The following CCT3 variants were observed in gnomAD, a reference collection of about 807,000 sequenced individuals.
CCT3 encodes chaperonin containing TCP1 subunit 3.
Under a neutral mutation model 65.3 loss-of-function variants are expected in CCT3, and 10 were observed. That is an observed-to-expected ratio of 0.15 (90% confidence interval 0.09 to 0.26). The LOEUF (loss-of-function observed/expected upper bound fraction) is 0.26. Ranked by LOEUF, CCT3 falls within the 10% of genes least tolerant of loss-of-function variation. The pLI is 1.00. For synonymous variants in CCT3, 225 were observed against 242.3 expected (o/e 0.93, Z 0.66); for missense variants, 626 against 708.7 (o/e 0.88, Z 1.33).
intron 11 of CCT3, 106 bp from the exon 12 acceptor site, chr1:156,311,301 G>A (rs1216895273): frequency 2.6e-6 from 3 of 1,140,728 alleles, no homozygotes; most frequent in South Asian, 3.0e-5. Flanking sequence ...CACCAAGGAG[G>A]GCAACTAGAA....
At chr1:156,328,654 GGCA>G (rs1664967308) in intron 5 of CCT3, among the ~76,000 whole-genome samples, 1 of 151,852 alleles carries the variant, frequency 6.6e-6, no homozygotes, top group African/African-American at 2.4e-5. Flanking sequence ...GATGCTTGAA[GGCA>G]GCATGCTCGT....
intron 9 of CCT3, 83 bp from the exon 10 acceptor site, chr1:156,317,330 G>C: frequency 1.9e-6 from 3 of 1,585,774 alleles, no homozygotes; most frequent in Non-Finnish European, 2.6e-6. Flanking sequence ...ACACTATTAC[G>C]CCCCTGCCAA....
intron 5 of CCT3, among the ~76,000 whole-genome samples, chr1:156,328,762 T>C (rs560892511): frequency 6.6e-6 from 1 of 152,226 alleles, no homozygotes; most frequent in South Asian, 2.1e-4. Context: ...CAGAGACCTT[T>C]GTTCATTTGT....
intron 6 of CCT3, 71 bp from the exon 7 acceptor site, chr1:156,321,096 C>A (rs941938221): frequency 3.3e-6 from 4 of 1,211,548 alleles, no homozygotes; most frequent in African/African-American, 1.5e-5. Flanking sequence ...CTTATCTATA[C>A]CTCAGTGACT....
chr1:156,333,676 A>T, intron 4 of CCT3, 33 bp from the exon 5 acceptor site: 2 of 1,523,908 alleles, frequency 1.3e-6, no homozygotes, highest in East Asian at 4.5e-5. Flanking sequence ...AATTCACACT[A>T]TTCAAAGACC....
intron 7 of CCT3, 150 bp from the exon 8 acceptor site, chr1:156,319,167 C>T: frequency 1.6e-6 from 1 of 616,020 alleles, no homozygotes; most frequent in Non-Finnish European, 2.6e-6. Context: ...GGCTGGAGTG[C>T]AGTGGTGCAA....
chr1:156,320,706 C>T, intron 7 of CCT3, 133 bp downstream of exon 7: 1 of 691,744 alleles, frequency 1.4e-6, no homozygotes, highest in South Asian at 1.9e-5. Flanking sequence ...ATACTCCAGC[C>T]TAGGCAACAA....
At chr1:156,334,682 G>A (rs759146618) in intron 4 of CCT3, 31 bp downstream of exon 4, 2 of 1,605,196 alleles carry the variant, frequency 1.2e-6, no homozygotes, top group African/African-American at 1.3e-5. Context: ...CTGTCAGAAA[G>A]CAAAAAAACA....
intron 5 of CCT3, among the ~76,000 whole-genome samples, chr1:156,328,555 A>AC: frequency 6.6e-6 from 1 of 151,714 alleles, no homozygotes; most frequent in Admixed American, 6.6e-5. Context: ...CTGTGACCTT[A>AC]CCCCCAACCC....
rs745978534 is a variant in CCT3 at position 156,325,083 on chromosome 1, T to G, written c.311A>C (p.Glu104Ala). ...GAAGTGCTCAGCTACAGACAGCATT[T>G]CCCCTGCTGAAAAAGATACAAGCAC... is the stretch of plus-strand genomic sequence containing the variant. ...GTTSVIILAG[E>A]MLSVAEHFLE... is the part of the protein sequence containing the mutation. Residue 104 changes from glutamate to alanine, a missense_variant, in exon 6 of 14, where the codon GAA becomes GCA. Physicochemically the swap from Glu to Ala is moderately radical, Grantham distance 107. Coordinates refer to ENST00000295688, the MANE Select transcript of CCT3 (RefSeq NM_005998.5). The G allele has an allele frequency of 6.2e-7, 1 of 1,608,800 alleles. No homozygotes were observed. The highest frequency in any genetic ancestry group is 8.5e-7 in the Non-Finnish European group (1 of 1,176,886).
chr1:156,312,671 AC>A (rs1258692270), intron 10 of CCT3, among the ~76,000 whole-genome samples: 2 of 151,982 alleles, frequency 1.3e-5, no homozygotes, highest in East Asian at 3.9e-4. Context: ...AAAAACAAAC[AC>A]AAAAACCCCA....
At chr1:156,329,602 G>A (rs1357173666) in intron 5 of CCT3, among the ~76,000 whole-genome samples, 2 of 150,356 alleles carry the variant, frequency 1.3e-5, no homozygotes, top group African/African-American at 4.9e-5. Flanking sequence ...ACCGCGCCCA[G>A]CCCATATCCC....
At chr1:156,337,123 G>C in intron 1 of CCT3, 7 of 1,283,684 alleles carry the variant, frequency 5.5e-6, no homozygotes, top group Non-Finnish European at 7.1e-6. Flanking sequence ...AAAAATAAGG[G>C]ACCGGGCGCG....
At chr1:156,334,998 G>A (rs1335523516) in intron 2 of CCT3, 80 bp from the exon 3 acceptor site, 1 of 1,132,678 alleles carries the variant, frequency 8.8e-7, no homozygotes, top group Non-Finnish European at 1.3e-6. Flanking sequence ...GGGAAAAGGG[G>A]CATGAACAAC....
intron 5 of CCT3, among the ~76,000 whole-genome samples, chr1:156,331,057 TC>T (rs1192512484): frequency 6.6e-6 from 1 of 151,028 alleles, no homozygotes. Context: ...TATGGTGAAA[TC>T]CCGTCACTAT....
chr1:156,330,125 T>A (rs12048077), intron 5 of CCT3, among the ~76,000 whole-genome samples: 36,624 of 152,132 alleles, frequency 0.24, 4,922 homozygotes, highest in Non-Finnish European at 0.29. Context: ...TATCTCTAGA[T>A]GATTCAACTG....
intron 6 of CCT3, among the ~76,000 whole-genome samples, chr1:156,321,275 T>C (rs1316713893): frequency 6.6e-6 from 1 of 152,208 alleles, no homozygotes; most frequent in Non-Finnish European, 1.5e-5. Flanking sequence ...CATACAAAGA[T>C]TATAGTAAAA....
chr1:156,318,878 C>G lies in CCT3; in HGVS notation c.749G>C (p.Gly250Ala). 6.2e-7 allele frequency: 1 copy of G among 1,612,906 alleles called. No homozygotes were observed. The highest frequency in any genetic ancestry group is 8.5e-7 in the Non-Finnish European group (1 of 1,179,662). ...LLDSSLEYKKGESQTDIEITR... is the reference protein window; with the variant it reads ...LLDSSLEYKKAESQTDIEITR... The stretch of plus-strand genomic sequence containing the variant: ...GGCCAAGAACCTTACCTGGCTTTCT[C>G]CTTTCTTGTATTCCAGAGAAGAATC... The change falls in exon 8 of 14, where the codon GGA (glycine) becomes GCA (alanine). Residue 250 changes from glycine to alanine, a missense_variant. Physicochemically the swap from Gly to Ala is moderately conservative, Grantham distance 60. Transcript: ENST00000295688.
chr1:156,337,022 T>C, intron 1 of CCT3: 1 of 1,231,816 alleles, frequency 8.1e-7, no homozygotes, highest in Non-Finnish European at 1.1e-6. Context: ...GGAGGGGAGA[T>C]GGCTAGCCAG....
Sources: allele counts gnomAD v4.1 joint callset (sites outside exome capture counted in the v4.1 genomes callset), GRCh38; gene constraint gnomAD v4.1.1; transcripts MANE v1.5; gene names NCBI Gene and HGNC (gene_info 2026-07-23, HGNC 2026-07-21).